The following HCN1 variants were observed in gnomAD, a reference collection of about 807,000 sequenced individuals.
HCN1 encodes potassium/sodium hyperpolarization-activated cyclic nucleotide-gated channel 1.
A neutral mutation model predicts 78.9 loss-of-function variants in HCN1; 13 were observed. The observed-to-expected ratio is 0.16, with a 90% CI of 0.11 to 0.26. The LOEUF (loss-of-function observed/expected upper bound fraction) is 0.26. HCN1 is among the 10% of genes least tolerant of loss of function. The pLI is 1.00. For missense variants in HCN1, 810 were observed against 1,154.3 expected, an observed-to-expected ratio of 0.70 and a Z score of 4.32; for synonymous variants, 552 against 455.5, an observed-to-expected ratio of 1.21 and a Z score of -2.70.
At chr5:45,395,586 G>A (rs1739669762) in intron 4 of HCN1, among the ~76,000 whole-genome samples, 1 of 152,100 alleles carries the variant, frequency 6.6e-6, no homozygotes, top group Non-Finnish European at 1.5e-5. Context: ...TTCTTTGGAT[G>A]TTTTGAAAAC....
At chr5:45,333,871 C>T (rs906925078) in intron 5 of HCN1, among the ~76,000 whole-genome samples, 5 of 151,724 alleles carry the variant, frequency 3.3e-5, no homozygotes, top group Non-Finnish European at 5.9e-5. Context: ...TACATCCTTG[C>T]CATCATTTGT....
At chr5:45,598,302 A>G (rs1238088236) in intron 2 of HCN1, among the ~76,000 whole-genome samples, 1 of 152,200 alleles carries the variant, frequency 6.6e-6, no homozygotes, top group Non-Finnish European at 1.5e-5. Flanking sequence ...CCTGAGAAAA[A>G]CAAGCAATGG....
At chr5:45,645,664 C>A in intron 1 of HCN1, 56 bp from the exon 2 acceptor site, 2 of 1,155,762 alleles carry the variant, frequency 1.7e-6, no homozygotes, top group South Asian at 1.4e-5. Flanking sequence ...AGCCTATCCC[C>A]CCCATGAAAA....
At chr5:45,641,035 G>C (rs1292362245) in intron 2 of HCN1, among the ~76,000 whole-genome samples, 2 of 152,114 alleles carry the variant, frequency 1.3e-5, no homozygotes, top group Admixed American at 1.3e-4. Flanking sequence ...GGAGAGACTT[G>C]AAGGCACAGC....
At position 45,646,550 on chromosome 5, in the gene HCN1, T is replaced by C. The variant is rs116733557; in HGVS notation, c.426-942A>G. Among the ~76,000 whole-genome samples the C allele has an allele frequency of 2.6e-3, 394 of 152,020 alleles. 1 individual carries two copies. Among genetic ancestry groups the C allele is most frequent in the African/African-American group, 9.0e-3 (374 of 41,496 alleles). Reference sequence around the variant, plus strand: ...CCATGCCCAGCTAAAAAAAAATCTTTAACATTTCTAATTTAATTCTGAACA... The same window carrying C: ...CCATGCCCAGCTAAAAAAAAATCTTCAACATTTCTAATTTAATTCTGAACA... On this transcript the variant is annotated intron_variant, in intron 1 of 7. Transcript: ENST00000303230.
At chr5:45,399,991 T>C (rs1739759862) in intron 3 of HCN1, among the ~76,000 whole-genome samples, 2 of 152,270 alleles carry the variant, frequency 1.3e-5, no homozygotes, top group South Asian at 4.1e-4. Context: ...AAATGTATAA[T>C]ACTCAGAAAT....
rs1211510812 is a variant in HCN1, at chr5:45,256,641, T to A, written c.*5280A>T. ...ACCTCCTAAGTTCAAGCGATCCTCC[T>A]GCCTTAACTTTCTGAGTAACTAGGA... On this transcript the variant is annotated 3_prime_UTR_variant, in exon 8 of 8. Transcript: ENST00000303230. 2.0e-5 allele frequency: 3 copies of A among 152,258 alleles called. No homozygotes were observed. The highest frequency in any genetic ancestry group is 4.4e-5 in the Non-Finnish European group (3 of 68,090). The allele number at this position is 152,258 out of a possible 1,614,324, so 9.4% of individuals were successfully genotyped here.
At chr5:45,354,448 A>G (rs868020039) in intron 4 of HCN1, among the ~76,000 whole-genome samples, 96 of 152,166 alleles carry the variant, frequency 6.3e-4, no homozygotes, top group Middle Eastern at 3.4e-3. Flanking sequence ...TATACTTTAT[A>G]TGGACAAGAT....
At chr5:45,631,022 T>C (rs1285073550) in intron 2 of HCN1, among the ~76,000 whole-genome samples, 1 of 152,138 alleles carries the variant, frequency 6.6e-6, no homozygotes, top group Non-Finnish European at 1.5e-5. Flanking sequence ...TATGACCTCA[T>C]TAGCTAGCTA....
At chr5:45,485,783 T>C (rs1309373262) in intron 2 of HCN1, among the ~76,000 whole-genome samples, 1 of 152,148 alleles carries the variant, frequency 6.6e-6, no homozygotes, top group Non-Finnish European at 1.5e-5. Context: ...CATGATGTTA[T>C]ATTCTCATGT....
At chr5:45,494,350 A>G (rs1318653971) in intron 2 of HCN1, among the ~76,000 whole-genome samples, 1 of 152,218 alleles carries the variant, frequency 6.6e-6, no homozygotes, top group Non-Finnish European at 1.5e-5. Context: ...TCTGATGGCC[A>G]GTGATGGTGA....
intron 2 of HCN1, among the ~76,000 whole-genome samples, chr5:45,539,728 A>G (rs1313909695): frequency 6.7e-6 from 1 of 148,158 alleles, no homozygotes; most frequent in Non-Finnish European, 1.5e-5. Context: ...TAAAATATTT[A>G]ATATTATTAT....
intron 3 of HCN1, among the ~76,000 whole-genome samples, chr5:45,449,641 C>A (rs770528547): frequency 1.3e-5 from 2 of 151,492 alleles, no homozygotes; most frequent in African/African-American, 2.4e-5. Flanking sequence ...TTATTTCAAC[C>A]TTCCCAGCAT....
chr5:45,653,075 G>T (rs1483660882), intron 1 of HCN1, among the ~76,000 whole-genome samples: 6 of 151,714 alleles, frequency 4.0e-5, no homozygotes, highest in Non-Finnish European at 7.4e-5. Context: ...GTCCCAATTC[G>T]GTACCTGGAA....
chr5:45,297,495 C>T lies in HCN1; in HGVS notation c.1618+6104G>A, dbSNP rs139852940. Among the ~76,000 whole-genome samples the T allele has an allele frequency of 2.4e-3, 370 of 152,138 alleles. 3 individuals are homozygous for T. Among genetic ancestry groups the T allele is most frequent in the African/African-American group, 8.4e-3 (347 of 41,536 alleles). On this transcript the variant is annotated intron_variant, in intron 6 of 7. Coordinates refer to ENST00000303230, the MANE Select transcript of HCN1 (RefSeq NM_021072.4). The stretch of plus-strand genomic sequence containing the variant: ...CTATGATCTTGCAAAAAATAAATCA[C>T]CAGGCCCAAAAGTTGTCACCAGTAA...
At position 45,262,549 on chromosome 5, in the gene HCN1, C is replaced by T. The variant is rs769364301; in HGVS notation, c.2045G>A (p.Ser682Asn). 1 of 1,613,560 alleles carries T rather than the reference C, an allele frequency of 6.2e-7. No homozygotes were observed. The highest frequency in any genetic ancestry group is 8.5e-7 in the Non-Finnish European group (1 of 1,179,894). The change falls in exon 8 of 8, where the codon AGT becomes AAT. Residue 682 changes from serine (S) to asparagine (N), a missense_variant. Coordinates refer to ENST00000303230, the MANE Select transcript of HCN1 (RefSeq NM_021072.4). ...SLSHSNLHSP[S>N]PSTQTPQPSA... The stretch of plus-strand genomic sequence containing the variant: ...TGGCTGGGGGGTCTGTGTGCTGGGA[C>T]TGGGGGAGTGCAGGTTGCTGTGAGA...
intron 4 of HCN1, among the ~76,000 whole-genome samples, chr5:45,354,019 T>C (rs1015086371): frequency 4.6e-5 from 7 of 151,774 alleles, no homozygotes; most frequent in Non-Finnish European, 8.8e-5. Context: ...TTTATATTTA[T>C]ACACACATGC....
At chr5:45,329,872 C>T (rs1005313920) in intron 5 of HCN1, among the ~76,000 whole-genome samples, 1 of 151,202 alleles carries the variant, frequency 6.6e-6, no homozygotes, top group Non-Finnish European at 1.5e-5. Flanking sequence ...TTTTATTTAA[C>T]CTTACAACCA....
intron 5 of HCN1, among the ~76,000 whole-genome samples, chr5:45,317,147 C>T (rs546578575): frequency 5.8e-4 from 89 of 152,206 alleles, no homozygotes; most frequent in African/African-American, 1.5e-3. Context: ...GGAGGCATCA[C>T]GTTACCTGAC....
Sources: allele counts gnomAD v4.1 joint callset (sites outside exome capture counted in the v4.1 genomes callset), GRCh38; gene constraint gnomAD v4.1.1; transcripts MANE v1.5; gene names NCBI Gene and HGNC (gene_info 2026-07-23, HGNC 2026-07-21).